PEX14: variants seen among roughly 807,000 people sequenced by gnomAD.
The protein encoded by PEX14 is peroxisomal membrane protein PEX14.
In PEX14, 15 loss-of-function variants were observed where a neutral mutation model predicts 49.5. That is an observed-to-expected ratio of 0.30 (90% confidence interval 0.20 to 0.47). The LOEUF is 0.47. Among genes scored for constraint, PEX14 ranks in the 20% least tolerant of loss-of-function variants. PEX14 has a pLI of 1.00. For missense variants in PEX14, 398 were observed against 494.8 expected (o/e 0.80, Z 1.86); for synonymous variants, 210 against 212.7 (o/e 0.99, Z 0.11).
chr1:10,503,720 CCTTTTTT>C (rs879545187), intron 2 of PEX14, among the ~76,000 whole-genome samples: 15 of 151,716 alleles, frequency 9.9e-5, no homozygotes, highest in African/African-American at 3.1e-4. Flanking sequence ...TCCAGGATAA[CCTTTTTT>C]CTTTTTTCTT....
At chr1:10,593,558 A>C (rs1570321037) in intron 3 of PEX14, among the ~76,000 whole-genome samples, 1 of 152,148 alleles carries the variant, frequency 6.6e-6, no homozygotes, top group Non-Finnish European at 1.5e-5. Context: ...TCTTGCATTC[A>C]GGGTAGTGAC....
chr1:10,602,325 G>A (rs1210603184), intron 4 of PEX14, among the ~76,000 whole-genome samples: 1 of 151,798 alleles, frequency 6.6e-6, no homozygotes, highest in Non-Finnish European at 1.5e-5. Flanking sequence ...TCATCATTGA[G>A]CTTCATTCTT....
At chr1:10,549,617 T>G (rs1557839350) in intron 3 of PEX14, among the ~76,000 whole-genome samples, 1 of 152,190 alleles carries the variant, frequency 6.6e-6, no homozygotes, top group Non-Finnish European at 1.5e-5. Flanking sequence ...GAAATAAAGG[T>G]TAAGTATCTC....
intron 4 of PEX14, 84 bp downstream of exon 4, chr1:10,599,450 C>T (rs1008207617): frequency 2.0e-6 from 3 of 1,495,428 alleles, no homozygotes; most frequent in African/African-American, 1.4e-5. Context: ...ATCTCCCAGA[C>T]TTAGCAAACC....
intron 2 of PEX14, among the ~76,000 whole-genome samples, chr1:10,525,249 G>A (rs911287584): frequency 1.3e-5 from 2 of 152,006 alleles, no homozygotes; most frequent in Non-Finnish European, 2.9e-5. Context: ...AAGACAGTCC[G>A]TGGGTACAAT....
At chr1:10,540,908 G>A (rs920176206) in intron 3 of PEX14, among the ~76,000 whole-genome samples, 8 of 152,168 alleles carry the variant, frequency 5.3e-5, no homozygotes, top group African/African-American at 1.9e-4. Flanking sequence ...GACATGGATT[G>A]TGGCATCAAG....
At chr1:10,511,839 G>A (rs1248848152) in intron 2 of PEX14, among the ~76,000 whole-genome samples, 2 of 152,160 alleles carry the variant, frequency 1.3e-5, no homozygotes, top group African/African-American at 4.8e-5. Flanking sequence ...GTGGACTGCA[G>A]GACCTCATCA....
chr1:10,627,224 C>A, intron 7 of PEX14, 48 bp from the exon 8 acceptor site: 1 of 1,317,632 alleles, frequency 7.6e-7, no homozygotes, highest in Non-Finnish European at 1.1e-6. Context: ...CAGGCCCCGC[C>A]CGTGCCGCAA....
intron 4 of PEX14, among the ~76,000 whole-genome samples, chr1:10,609,141 C>A (rs1242806533): frequency 6.6e-6 from 1 of 152,208 alleles, no homozygotes; most frequent in African/African-American, 2.4e-5. Context: ...GGTTGTACCT[C>A]ATTTTGTCCA....
intron 2 of PEX14, among the ~76,000 whole-genome samples, chr1:10,499,955 G>A (rs192102065): frequency 1.3e-5 from 2 of 152,174 alleles, no homozygotes; most frequent in African/African-American, 2.4e-5. Flanking sequence ...TGTCCAGGGG[G>A]TTCTACATCA....
intron 3 of PEX14, among the ~76,000 whole-genome samples, chr1:10,569,950 T>A (rs576639216): frequency 6.6e-6 from 1 of 152,350 alleles, no homozygotes; most frequent in African/African-American, 2.4e-5. Flanking sequence ...GAAATCTTCT[T>A]GTATTATTTC....
At chr1:10,564,258 A>G (rs6663688) in intron 3 of PEX14, among the ~76,000 whole-genome samples, 93,409 of 151,610 alleles carry the variant, frequency 0.62, 29,981 homozygotes, top group Admixed American at 0.7. Context: ...CCTTCTTTCC[A>G]TGTTCTTTAT....
chr1:10,495,471 T>C lies in PEX14; in HGVS notation c.84+150T>C. On this transcript the variant is annotated intron_variant, in intron 2 of 8. Transcript: ENST00000356607. This position sits in a 1 kb window ranked among gnomAD's most constrained non-coding sequence, Gnocchi z 4.2. Reference sequence around the variant, plus strand: ...ACTGCCTCTGTCAGTGACCTCTGACTTCTCTTCTCGCGTGTGGGGACGAGT... The same window carrying C: ...ACTGCCTCTGTCAGTGACCTCTGACCTCTCTTCTCGCGTGTGGGGACGAGT... 1.4e-6 allele frequency: 1 copy of C among 710,086 alleles called. No homozygotes were observed. Among genetic ancestry groups the C allele is most frequent in the Admixed American group, 2.0e-5 (1 of 48,834 alleles). The allele number at this position is 710,086 out of a possible 1,614,324, so 44.0% of individuals were successfully genotyped here. A position where few individuals can be genotyped will look rare whatever the true frequency, so the allele number is the denominator to read the frequency against.
At chr1:10,501,037 G>A (rs1641668273) in intron 2 of PEX14, among the ~76,000 whole-genome samples, 1 of 152,172 alleles carries the variant, frequency 6.6e-6, no homozygotes, top group South Asian at 2.1e-4. Context: ...ACAAGCACAT[G>A]GGTAATGAAA....
Position 10,529,486 on chromosome 1 carries a change from A to G in PEX14, c.85-6727A>G, listed in dbSNP as rs570968138. ...TAAGATGCTTTTTATTTCAATATAC[A>G]TTTCTGGAAGAACTACTTTAATCAA... On this transcript the variant is annotated intron_variant, in intron 2 of 8. Coordinates refer to ENST00000356607, the MANE Select transcript of PEX14 (RefSeq NM_004565.3). This position sits in a 1 kb window ranked among gnomAD's most constrained non-coding sequence, Gnocchi z 4.2. Among the ~76,000 whole-genome samples the G allele has an allele frequency of 2.6e-5, 4 of 152,360 alleles. No individual in the cohort carries two copies. Among genetic ancestry groups the G allele is most frequent in the African/African-American group, 9.6e-5 (4 of 41,588 alleles).
intron 4 of PEX14, among the ~76,000 whole-genome samples, chr1:10,599,825 C>T (rs1356758758): frequency 6.6e-6 from 1 of 152,176 alleles, no homozygotes; most frequent in Admixed American, 6.5e-5. Context: ...TTCCCTCCCT[C>T]CCTTGTCCTG....
At chr1:10,612,944 T>A (rs1469190220) in intron 4 of PEX14, among the ~76,000 whole-genome samples, 3 of 152,216 alleles carry the variant, frequency 2.0e-5, no homozygotes, top group Non-Finnish European at 4.4e-5. Flanking sequence ...TTTCTACCAC[T>A]GCCTTGCCCA....
At chr1:10,572,353 C>T (rs1489154474) in intron 3 of PEX14, among the ~76,000 whole-genome samples, 1 of 152,240 alleles carries the variant, frequency 6.6e-6, no homozygotes, top group East Asian at 1.9e-4. Context: ...AGGATGTCTC[C>T]ATGAGCTTGG....
intron 3 of PEX14, among the ~76,000 whole-genome samples, chr1:10,581,323 T>C (rs1052285628): frequency 1.3e-5 from 2 of 150,664 alleles, no homozygotes; most frequent in Non-Finnish European, 3.0e-5. Context: ...TTTTTTTTTT[T>C]TGAGACAGAG....
Sources: gnomAD v4.1 joint callset for allele counts (sites outside exome capture counted in the v4.1 genomes callset) on GRCh38, gnomAD v4.1.1 for gene constraint, Gnocchi (gnomAD v3.1) non-coding constraint, MANE v1.5 for transcripts, NCBI Gene and HGNC (gene_info 2026-07-23, HGNC 2026-07-21) for gene names.